The following PRRC2C variants were observed in gnomAD, a reference collection of about 807,000 sequenced individuals.
PRRC2C encodes protein PRRC2C.
A neutral mutation model predicts 317.2 loss-of-function variants in PRRC2C; 72 were observed. That is an observed-to-expected ratio of 0.23 (90% CI 0.19 to 0.28). PRRC2C has a LOEUF of 0.28. Among genes scored for constraint, PRRC2C ranks in the 10% least tolerant of loss-of-function variants. PRRC2C has a pLI of 1.00. For synonymous variants in PRRC2C, 1,296 were observed against 1,205.9 expected (o/e 1.07, Z -1.55); for missense variants, 3,074 against 3,459.7 (o/e 0.89, Z 2.80).
chr1:171,507,574 G>A (rs1429095960), intron 1 of PRRC2C, among the ~76,000 whole-genome samples: 3 of 152,070 alleles, frequency 2.0e-5, no homozygotes, highest in Non-Finnish European at 4.4e-5. Flanking sequence ...TTGCATTACT[G>A]TACTTAAGTA....
rs998093675 is a variant in PRRC2C at position 171,575,052 on chromosome 1, T to A, written c.6879T>A (p.Ala2293=). ...GTAGTGCCAGTGGACCAAGCACTGCTAATTACAATTCGTTCTCAAGTGCAT... is the reference window on the plus strand; with the variant it reads ...GTAGTGCCAGTGGACCAAGCACTGCAAATTACAATTCGTTCTCAAGTGCAT... ...VSSSASGPST[A]NYNSFSSASM... Residue 2293 remains alanine, a synonymous_variant, in exon 25 of 35, where the codon GCT becomes GCA. Transcript: ENST00000647382. The A allele has an allele frequency of 5.6e-6, 9 of 1,613,950 alleles. No homozygotes were observed. The highest frequency in any genetic ancestry group is 6.8e-6 in the Non-Finnish European group (8 of 1,179,874).
intron 17 of PRRC2C, among the ~76,000 whole-genome samples, chr1:171,548,578 T>C (rs1679598524): frequency 6.6e-6 from 1 of 152,216 alleles, no homozygotes; most frequent in Non-Finnish European, 1.5e-5. Context: ...GCTTCACTCT[T>C]TCTTGATACT....
Position 171,557,560 on chromosome 1 carries a change from A to C in PRRC2C, c.5448A>C (p.Ser1816=). ...SPLAPVSASA[S]VSASVPASTS... ...TAGCTCCAGTTTCAGCCTCAGCCTC[A>C]GTCTCAGCTTCAGTTCCAGCCTCTA... The change falls in exon 19 of 35, where the codon TCA becomes TCC. Residue 1816 remains serine (S), a synonymous_variant. Transcript: ENST00000647382. 2 of 1,551,616 alleles carry C rather than the reference A, an allele frequency of 1.3e-6. No individual in the cohort carries two copies. The highest frequency in any genetic ancestry group is 1.7e-6 in the Non-Finnish European group (2 of 1,146,962).
intron 1 of PRRC2C, among the ~76,000 whole-genome samples, chr1:171,495,266 G>C (rs889568952): frequency 6.6e-6 from 1 of 152,174 alleles, no homozygotes; most frequent in African/African-American, 2.4e-5. Flanking sequence ...ATGACAGTCT[G>C]GGTCTGTATT....
In PRRC2C at chr1:171,515,719, T is replaced by A. The variant is rs769623540; in HGVS notation, c.401-15T>A. Reference sequence around the variant, plus strand: ...ATAAAAGTTACCTTTAATGTTTTTTTAAAAAAATCTATAGGAATCCAAGTG... The same window carrying A: ...ATAAAAGTTACCTTTAATGTTTTTTAAAAAAAATCTATAGGAATCCAAGTG... On this transcript the variant is annotated splice_polypyrimidine_tract_variant and intron_variant, in intron 4 of 34. Transcript: ENST00000647382. 1.1e-5 allele frequency: 18 copies of A among 1,570,046 alleles called. No individual in the cohort carries two copies. The highest frequency in any genetic ancestry group is 4.7e-5 in the South Asian group (4 of 85,406).
At position 171,545,540 on chromosome 1, in the gene PRRC2C, C is replaced by T; in HGVS notation, c.4825C>T (p.His1609Tyr). 6.3e-7 allele frequency: 1 copy of T among 1,597,126 alleles called. No individual in the cohort carries two copies. The highest frequency in any genetic ancestry group is 8.5e-7 in the Non-Finnish European group (1 of 1,171,622). ...TGACCTCATCAATGGCAGCTCTGCA[C>T]ACCATCAGGAAGGAGTACCTAATGG... is the stretch of plus-strand genomic sequence containing the variant. ...GVDLINGSSA[H>Y]HQEGVPNGTG... Residue 1609 changes from histidine to tyrosine, a missense_variant, in exon 17 of 35, where the codon CAC becomes TAC. Coordinates refer to ENST00000647382, the MANE Select transcript of PRRC2C (RefSeq NM_001387844.1).
chr1:171,537,419 C>T lies in PRRC2C; in HGVS notation c.2450C>T (p.Ala817Val), dbSNP rs1677034277. Residue 817 changes from alanine to valine, a missense_variant, in exon 15 of 35, where the codon GCT becomes GTT. This residue lies in a region of PRRC2C where 1,320 missense variants were observed against 1,395.7 expected (regional missense o/e 0.95). Transcript: ENST00000647382. ...TGGGGGTCAGATCCCTATCCTCATGCTGAGCCTCAACAAGCAACTACTCCC... is the reference window on the plus strand; with the variant it reads ...TGGGGGTCAGATCCCTATCCTCATGTTGAGCCTCAACAAGCAACTACTCCC... ...MLWGSDPYPH[A>V]EPQQATTPKA... 1 of 1,588,100 alleles carries T rather than the reference C, an allele frequency of 6.3e-7. No homozygotes were observed.
chr1:171,494,356 T>C (rs1292555796), intron 1 of PRRC2C, among the ~76,000 whole-genome samples: 1 of 152,226 alleles, frequency 6.6e-6, no homozygotes, highest in Non-Finnish European at 1.5e-5. Context: ...TATTACACTT[T>C]GTTTTTTAAA....
chr1:171,529,291 G>A (rs912264035), intron 11 of PRRC2C, among the ~76,000 whole-genome samples: 2 of 151,964 alleles, frequency 1.3e-5, no homozygotes, highest in African/African-American at 4.8e-5. Flanking sequence ...CATTTAGCCT[G>A]AAAAGCTTTG....
chr1:171,588,248 T>C, intron 32 of PRRC2C, 131 bp from the exon 33 acceptor site: 1 of 1,005,404 alleles, frequency 9.9e-7, no homozygotes, highest in African/African-American at 1.7e-5. Flanking sequence ...CCAGAATGTT[T>C]TGGTAATCAT....
Position 171,557,596 on chromosome 1 carries a change from A to G in PRRC2C, c.5484A>G (p.Ala1828=). 1 of 1,551,652 alleles carries G rather than the reference A, an allele frequency of 6.4e-7. No individual in the cohort carries two copies. Among genetic ancestry groups the G allele is most frequent in the Non-Finnish European group, 8.7e-7 (1 of 1,146,978 alleles). ...SASVPASTSA[A]AITSSSAPAS... ...CAGTTCCAGCCTCTACTTCAGCTGC[A>G]GCTATAACCTCTTCTTCAGCTCCAG... is the stretch of plus-strand genomic sequence containing the variant. Residue 1828 remains alanine, a synonymous_variant, in exon 19 of 35, where the codon GCA becomes GCG. Transcript: ENST00000647382.
At chr1:171,499,567 G>T (rs1162338114) in intron 1 of PRRC2C, among the ~76,000 whole-genome samples, 1 of 152,172 alleles carries the variant, frequency 6.6e-6, no homozygotes, top group East Asian at 1.9e-4. Flanking sequence ...TACTCAGGAG[G>T]CCGAGGCAGG....
chr1:171,517,539 G>A (rs1283482476), intron 5 of PRRC2C, 52 bp from the exon 6 acceptor site: 1 of 1,542,676 alleles, frequency 6.5e-7, no homozygotes, highest in Non-Finnish European at 8.9e-7. Flanking sequence ...GTTTCACTTT[G>A]TTCCATTTTC....
intron 1 of PRRC2C, among the ~76,000 whole-genome samples, chr1:171,490,352 T>G (rs116602828): frequency 3.3e-5 from 5 of 152,322 alleles, no homozygotes; most frequent in African/African-American, 1.2e-4. Context: ...ATTCCACCCT[T>G]TGGGACATTA....
chr1:171,503,364 A>G (rs1669523175), intron 1 of PRRC2C, among the ~76,000 whole-genome samples: 1 of 152,042 alleles, frequency 6.6e-6, no homozygotes, highest in Non-Finnish European at 1.5e-5. Flanking sequence ...TCTTTACTAA[A>G]AGTACAAAAA....
chr1:171,546,580 A>T (rs1210560613), intron 17 of PRRC2C, among the ~76,000 whole-genome samples: 1 of 152,126 alleles, frequency 6.6e-6, no homozygotes, highest in African/African-American at 2.4e-5. Context: ...TTTGTGAGCA[A>T]TGCAAATTCT....
At chr1:171,529,083 C>T (rs1177627849) in intron 11 of PRRC2C, among the ~76,000 whole-genome samples, 4 of 152,152 alleles carry the variant, frequency 2.6e-5, no homozygotes, top group African/African-American at 9.7e-5. Flanking sequence ...AGCCACCATC[C>T]CTGGCCTATC....
intron 1 of PRRC2C, among the ~76,000 whole-genome samples, chr1:171,496,731 A>G (rs1283261121): frequency 6.6e-6 from 1 of 151,840 alleles, no homozygotes; most frequent in Non-Finnish European, 1.5e-5. Flanking sequence ...CCTTACTTGT[A>G]TTACAAAATG....
At chr1:171,535,908 CT>C in intron 13 of PRRC2C, 120 bp from the exon 14 acceptor site, 1 of 1,301,798 alleles carries the variant, frequency 7.7e-7, no homozygotes. Context: ...TGTTAAATAC[CT>C]TTTGAACTCT....
Sources: gnomAD v4.1 joint callset for allele counts (sites outside exome capture counted in the v4.1 genomes callset) on GRCh38, gnomAD v4.1.1 for gene constraint, gnomAD v4.1.1 regional missense constraint, MANE v1.5 for transcripts, NCBI Gene and HGNC (gene_info 2026-07-23, HGNC 2026-07-21) for gene names.